The following FHOD3 variants were observed in gnomAD, a reference collection of about 807,000 sequenced individuals.
The protein encoded by FHOD3 is FH1/FH2 domain-containing protein 3.
In FHOD3, 90 loss-of-function variants were observed where a neutral mutation model predicts 173.0. The observed-to-expected ratio is 0.52, with a 90% confidence interval of 0.44 to 0.62. The LOEUF (loss-of-function observed/expected upper bound fraction) is 0.62. Among genes scored for constraint, FHOD3 ranks in the 20% least tolerant of loss-of-function variants. The pLI is 0.00. For missense variants in FHOD3, 1,945 were observed against 2,034.7 expected (o/e 0.96, Z 0.85); for synonymous variants, 828 against 823.0 (o/e 1.01, Z -0.10).
intron 6 of FHOD3, among the ~76,000 whole-genome samples, chr18:36,592,947 A>G (rs2059276420): frequency 6.6e-6 from 1 of 152,196 alleles, no homozygotes; most frequent in African/African-American, 2.4e-5. Context: ...TCTTAGATGG[A>G]CTTTCAAACC....
chr18:36,688,543 A>T (rs1198009014), intron 16 of FHOD3, among the ~76,000 whole-genome samples: 1 of 152,248 alleles, frequency 6.6e-6, no homozygotes, highest in Non-Finnish European at 1.5e-5. Flanking sequence ...GCTGCTAAAG[A>T]AATAGGAAGC....
At chr18:36,309,575 G>T (rs2092197912) in intron 1 of FHOD3, among the ~76,000 whole-genome samples, 1 of 152,222 alleles carries the variant, frequency 6.6e-6, no homozygotes, top group Non-Finnish European at 1.5e-5. Context: ...CCTGACCGCA[G>T]CTTCTGTGAA....
chr18:36,362,228 T>G (rs2046659277), intron 2 of FHOD3, among the ~76,000 whole-genome samples: 1 of 151,298 alleles, frequency 6.6e-6, no homozygotes, highest in Non-Finnish European at 1.5e-5. Flanking sequence ...AAGCAGGGAG[T>G]GGCCTAATGA....
At chr18:36,735,402 A>C (rs1568696176) in intron 20 of FHOD3, among the ~76,000 whole-genome samples, 1 of 152,170 alleles carries the variant, frequency 6.6e-6, no homozygotes, top group Non-Finnish European at 1.5e-5. Context: ...GCTTAGCTGC[A>C]CTGTTAATTT....
At chr18:36,677,689 C>T (rs2037954262) in intron 14 of FHOD3, among the ~76,000 whole-genome samples, 2 of 152,196 alleles carry the variant, frequency 1.3e-5, no homozygotes, top group African/African-American at 4.8e-5. Context: ...GGCCAGTGCT[C>T]TGCTTTGTTC....
rs568546879 is a variant in FHOD3 at position 36,298,149 on chromosome 18, G to C, written c.165+149G>C. On this transcript the variant is annotated intron_variant, in intron 1 of 28. Coordinates refer to ENST00000590592, the MANE Select transcript of FHOD3 (RefSeq NM_001281740.3). Reference sequence around the variant, plus strand: ...CGCTCGAGGGCAAATCCCCCTCCCCGTTAGACAGAAGGGCTCGAGGCACCC... The same window carrying C: ...CGCTCGAGGGCAAATCCCCCTCCCCCTTAGACAGAAGGGCTCGAGGCACCC... The C allele has an allele frequency of 6.4e-3, 4,411 of 693,552 alleles. 20 individuals are homozygous for C. Among genetic ancestry groups the C allele is most frequent in the Non-Finnish European group, 8.0e-3 (3,707 of 463,570 alleles). The allele number at this position is 693,552 out of a possible 1,614,324, so 43.0% of individuals were successfully genotyped here. A position where few individuals can be genotyped will look rare whatever the true frequency, so the allele number is the denominator to read the frequency against.
chr18:36,393,486 A>G (rs1488308576), intron 3 of FHOD3, among the ~76,000 whole-genome samples: 1 of 152,198 alleles, frequency 6.6e-6, no homozygotes, highest in Admixed American at 6.5e-5. Flanking sequence ...AGATACTCCT[A>G]GACATTGCCG....
chr18:36,552,076 A>G (rs1181646431), intron 5 of FHOD3, among the ~76,000 whole-genome samples: 1 of 152,124 alleles, frequency 6.6e-6, no homozygotes, highest in Non-Finnish European at 1.5e-5. Context: ...AAATCTGTAA[A>G]TTACCTTGGG....
At chr18:36,510,293 A>C (rs1173721769) in intron 4 of FHOD3, among the ~76,000 whole-genome samples, 1 of 152,230 alleles carries the variant, frequency 6.6e-6, no homozygotes, top group Non-Finnish European at 1.5e-5. Context: ...AATGTTTTAA[A>C]AATCATTTCT....
chr18:36,578,163 T>C (rs2058724318), intron 6 of FHOD3, among the ~76,000 whole-genome samples: 1 of 152,178 alleles, frequency 6.6e-6, no homozygotes, highest in African/African-American at 2.4e-5. Context: ...CTCACACCGC[T>C]AATAAAGACA....
At chr18:36,347,534 A>G (rs1400066783) in intron 1 of FHOD3, among the ~76,000 whole-genome samples, 1 of 152,214 alleles carries the variant, frequency 6.6e-6, no homozygotes, top group Non-Finnish European at 1.5e-5. Context: ...CACAAAGAAC[A>G]TAACTTATTA....
Position 36,718,361 on chromosome 18 carries a change from A to AGCT in FHOD3, c.3063_3064insGCT (p.Pro1021_Pro1022insAla). On this transcript the variant is annotated inframe_insertion, in exon 19 of 29. Coordinates refer to ENST00000590592, the MANE Select transcript of FHOD3 (RefSeq NM_001281740.3). ...TGGGTCACAGGGAGGCCCCTGGGCC[A>AGCT]CCTCCCCCACCCCCACCCACCTTTC... 7.5e-7 allele frequency: 1 copy of AGCT among 1,329,388 alleles called. No individual in the cohort carries two copies. The allele number at this position is 1,329,388 out of a possible 1,614,324, so 82.3% of individuals were successfully genotyped here. A position where few individuals can be genotyped will look rare whatever the true frequency, so the allele number is the denominator to read the frequency against.
intron 13 of FHOD3, among the ~76,000 whole-genome samples, chr18:36,653,898 A>G (rs561772142): frequency 6.6e-6 from 1 of 152,336 alleles, no homozygotes; most frequent in South Asian, 2.1e-4. Context: ...CTTGAGAGGT[A>G]GGTTCTATTA....
At chr18:36,591,735 TAGAG>T (rs1209636689) in intron 6 of FHOD3, among the ~76,000 whole-genome samples, 4 of 142,944 alleles carry the variant, frequency 2.8e-5, no homozygotes, top group African/African-American at 1.1e-4. Flanking sequence ...CTGGGCAACA[TAGAG>T]AGACACTATC....
chr18:36,582,842 A>G (rs573463701), intron 6 of FHOD3, among the ~76,000 whole-genome samples: 152 of 152,296 alleles, frequency 1.0e-3, no homozygotes, highest in Non-Finnish European at 1.9e-3. Flanking sequence ...TGAACCGGTA[A>G]TCCACTAAGC....
At chr18:36,347,048 TGGACACAGTGTCTCCCCA>T (rs2045910497) in intron 1 of FHOD3, among the ~76,000 whole-genome samples, 1 of 152,166 alleles carries the variant, frequency 6.6e-6, no homozygotes, top group African/African-American at 2.4e-5. Context: ...GTGTGTGGCA[TGGACACAGTGTCTCCCCA>T]GGACACAGTG....
chr18:36,548,106 C>T (rs370757812), intron 5 of FHOD3, among the ~76,000 whole-genome samples: 7 of 152,002 alleles, frequency 4.6e-5, no homozygotes, highest in African/African-American at 1.4e-4. Flanking sequence ...GCAGGAGAAT[C>T]GCTTGAACCC....
chr18:36,696,423 TTCTTTTATAAC>T (rs141599498), intron 17 of FHOD3, among the ~76,000 whole-genome samples: 7,287 of 152,316 alleles, frequency 0.048, 224 homozygotes, highest in Non-Finnish European at 0.07. Flanking sequence ...TATGGGTTCT[TTCTTTTATAAC>T]TCCTGTTTCA....
exon 29 of FHOD3, chr18:36,780,218 CAACAGTGTGCTCTTTGAAACTCCT>C (rs1338873656): frequency 8.1e-7 from 1 of 1,229,182 alleles, no homozygotes. Context: ...TGAGTAACAT[CAACAGTGTGCTCTTTGAAACTCCT>C]TTTATAATTG....
Sources: allele counts gnomAD v4.1 joint callset (sites outside exome capture counted in the v4.1 genomes callset), GRCh38; gene constraint gnomAD v4.1.1; transcripts MANE v1.5; gene names NCBI Gene and HGNC (gene_info 2026-07-23, HGNC 2026-07-21).